The following PGAP4 variants were observed in gnomAD, a reference collection of about 807,000 sequenced individuals.
PGAP4 encodes GPI-N-acetylgalactosamine transferase PGAP4.
A neutral mutation model predicts 28.2 loss-of-function variants in PGAP4; 12 were observed. The ratio of observed to expected loss-of-function variants is 0.42; its 90% CI spans 0.27 to 0.69. PGAP4 has a LOEUF of 0.69. Ranked by LOEUF, PGAP4 falls within the 30% of genes least tolerant of loss-of-function variation. The probability of loss-of-function intolerance (pLI) is 0.22; values close to 1 mark genes in which losing one functional copy is unlikely to be tolerated. For synonymous variants in PGAP4, 205 were observed against 211.8 expected, an observed-to-expected ratio of 0.97 and a Z score of 0.28; for missense variants, 425 against 513.5, an observed-to-expected ratio of 0.83 and a Z score of 1.67.
At chr9:101,526,956 C>A (rs571414738) in intron 2 of PGAP4, among the ~76,000 whole-genome samples, 18 of 152,362 alleles carry the variant, frequency 1.2e-4, no homozygotes, top group East Asian at 7.7e-4. Flanking sequence ...TTCCTTCCAC[C>A]TCTTCCAAAT....
intron 2 of PGAP4, among the ~76,000 whole-genome samples, chr9:101,508,982 C>T (rs72743392): frequency 0.15 from 23,402 of 152,102 alleles, 2,392 homozygotes; most frequent in East Asian, 0.37. Flanking sequence ...TGGCAATTGC[C>T]GGATATTCCA....
At chr9:101,494,417 T>G (rs1009359058) in intron 2 of PGAP4, among the ~76,000 whole-genome samples, 1 of 151,898 alleles carries the variant, frequency 6.6e-6, no homozygotes, top group Non-Finnish European at 1.5e-5. Context: ...ACAGATAGGT[T>G]ATGAGAGAAA....
intron 2 of PGAP4, among the ~76,000 whole-genome samples, chr9:101,523,634 T>A (rs1193509748): frequency 3.0e-5 from 3 of 98,776 alleles, no homozygotes; most frequent in South Asian, 2.9e-4. Flanking sequence ...TTTTTTTTTT[T>A]TTTTTTTTTT....
chr9:101,508,362 G>T (rs1253798807), intron 2 of PGAP4, among the ~76,000 whole-genome samples: 1 of 151,896 alleles, frequency 6.6e-6, no homozygotes, highest in Non-Finnish European at 1.5e-5. Context: ...GGAATGCTTT[G>T]GAAACAAAAA....
upstream of PGAP4, chr9:101,489,193 C>T (rs888985864): frequency 2.0e-5 from 3 of 151,846 alleles, no homozygotes; most frequent in Admixed American, 6.6e-5. Context: ...AATCAACATG[C>T]TATATTTCTT....
chr9:101,488,227 A>G (rs1050104980), upstream of PGAP4, among the ~76,000 whole-genome samples: 1 of 152,092 alleles, frequency 6.6e-6, no homozygotes, highest in Non-Finnish European at 1.5e-5. Context: ...TCCTTCACTC[A>G]AGGAATTTGT....
upstream of PGAP4, among the ~76,000 whole-genome samples, chr9:101,490,700 T>A (rs1826679629): frequency 6.6e-6 from 1 of 152,240 alleles, no homozygotes; most frequent in African/African-American, 2.4e-5. Flanking sequence ...TAAGGCTATA[T>A]AGTGGTGCCT....
At chr9:101,515,199 C>T (rs2118616933) in intron 2 of PGAP4, among the ~76,000 whole-genome samples, 1 of 152,138 alleles carries the variant, frequency 6.6e-6, no homozygotes, top group South Asian at 2.1e-4. Flanking sequence ...AAGAAGAACC[C>T]ATTCCTTGCT....
At chr9:101,493,252 C>CAAAA (rs34195899) in intron 2 of PGAP4, among the ~76,000 whole-genome samples, 5 of 116,988 alleles carry the variant, frequency 4.3e-5, no homozygotes, top group South Asian at 3.0e-4. Flanking sequence ...GACTCCATCT[C>CAAAA]AAAAAAAAAA....
chr9:101,482,159 A>G (rs1276047393), intron 1 of PGAP4, among the ~76,000 whole-genome samples: 3 of 152,262 alleles, frequency 2.0e-5, no homozygotes, highest in Admixed American at 6.5e-5. Flanking sequence ...AAAATAAAAG[A>G]TACTTCAACC....
exon 1 of PGAP4, chr9:101,533,327 A>C (rs542307763): frequency 6.6e-6 from 1 of 152,334 alleles, no homozygotes; most frequent in Admixed American, 6.5e-5. Flanking sequence ...AAGTGATTCT[A>C]ATGTGTAGAC....
At chr9:101,480,991 A>G (rs1313753125) in intron 1 of PGAP4, among the ~76,000 whole-genome samples, 1 of 152,132 alleles carries the variant, frequency 6.6e-6, no homozygotes, top group Admixed American at 6.5e-5. Flanking sequence ...AGCCTGGGCA[A>G]CATGGCAAAA....
At chr9:101,530,790 C>A (rs150170798) in intron 2 of PGAP4, among the ~76,000 whole-genome samples, 1 of 152,208 alleles carries the variant, frequency 6.6e-6, no homozygotes, top group African/African-American at 2.4e-5. Flanking sequence ...AATATGGTTA[C>A]CTACTATGAT....
chr9:101,515,216 G>A (rs547021331), intron 2 of PGAP4, among the ~76,000 whole-genome samples: 1 of 152,180 alleles, frequency 6.6e-6, no homozygotes, highest in South Asian at 2.1e-4. Context: ...TGCTTATTTT[G>A]CATTCTAGAG....
chr9:101,473,791 C>G lies in PGAP4; in HGVS notation c.*2090G>C, dbSNP rs758322544. 7.2e-5 allele frequency: 11 copies of G among 152,190 alleles called. No homozygotes were observed. The highest frequency in any genetic ancestry group is 1.6e-4 in the Non-Finnish European group (11 of 68,066). The allele number at this position is 152,190 out of a possible 1,614,324, so 9.4% of individuals were successfully genotyped here. A position where few individuals can be genotyped will look rare whatever the true frequency, so the allele number is the denominator to read the frequency against. Reference sequence around the variant, plus strand: ...TCATGAGGAGATCCAATCACTAATGCAACAAACTCTAATGAGTTCTAAGTT... The same window carrying G: ...TCATGAGGAGATCCAATCACTAATGGAACAAACTCTAATGAGTTCTAAGTT... On this transcript the variant is annotated 3_prime_UTR_variant, in exon 2 of 2. Coordinates refer to ENST00000374848, the MANE Select transcript of PGAP4 (RefSeq NM_032342.3).
intron 2 of PGAP4, among the ~76,000 whole-genome samples, chr9:101,516,031 A>T (rs1427856241): frequency 6.6e-6 from 1 of 152,118 alleles, no homozygotes; most frequent in Non-Finnish European, 1.5e-5. Flanking sequence ...AAAACATCAC[A>T]TTGTCTCTTA....
chr9:101,519,792 C>T (rs1826973027), intron 2 of PGAP4, among the ~76,000 whole-genome samples: 1 of 151,980 alleles, frequency 6.6e-6, no homozygotes, highest in African/African-American at 2.4e-5. Flanking sequence ...TGAAATCCTT[C>T]CTTAAGCCAA....
intron 1 of PGAP4, among the ~76,000 whole-genome samples, chr9:101,484,637 C>T (rs1038368706): frequency 6.6e-6 from 1 of 152,150 alleles, no homozygotes; most frequent in African/African-American, 2.4e-5. Flanking sequence ...CACTTCTCTT[C>T]TCTGCTTTCT....
intron 1 of PGAP4, among the ~76,000 whole-genome samples, chr9:101,479,649 G>A (rs1300884138): frequency 6.6e-6 from 1 of 152,208 alleles, no homozygotes; most frequent in East Asian, 1.9e-4. Flanking sequence ...AGAGGGATTT[G>A]GTTCAGAGGA....
Sources: gnomAD v4.1 joint callset for allele counts (sites outside exome capture counted in the v4.1 genomes callset) on GRCh38, gnomAD v4.1.1 for gene constraint, MANE v1.5 for transcripts, NCBI Gene and HGNC (gene_info 2026-07-23, HGNC 2026-07-21) for gene names.